The following MICAL2 variants were observed in gnomAD, a reference collection of about 807,000 sequenced individuals.
MICAL2 encodes the protein microtubule associated monooxygenase, calponin and LIM domain containing 2.
A neutral mutation model predicts 127.3 loss-of-function variants in MICAL2; 77 were observed. The observed-to-expected ratio is 0.60, with a 90% CI of 0.50 to 0.73. MICAL2 has a LOEUF of 0.73. Among genes scored for constraint, MICAL2 ranks in the 30% least tolerant of loss-of-function variants. The pLI, the probability that MICAL2 is intolerant of heterozygous loss-of-function variation, is 0.00. For missense variants in MICAL2, 1,351 were observed against 1,434.4 expected (o/e 0.94, Z 0.94); for synonymous variants, 570 against 551.1 (o/e 1.03, Z -0.48).
At chr11:12,182,347 C>T (rs1297624057) in intron 3 of MICAL2, among the ~76,000 whole-genome samples, 1 of 152,010 alleles carries the variant, frequency 6.6e-6, no homozygotes, top group Non-Finnish European at 1.5e-5. Flanking sequence ...GGGGGAGTTG[C>T]TGAAAAGAGC....
exon 32 of MICAL2, chr11:12,327,260 G>C: frequency 6.5e-7 from 1 of 1,550,112 alleles, no homozygotes; most frequent in East Asian, 2.4e-5. Flanking sequence ...GTTGCGAGGA[G>C]AAGCAGGTAC....
At chr11:12,185,224 G>A (rs1000260658) in intron 3 of MICAL2, among the ~76,000 whole-genome samples, 2 of 150,062 alleles carry the variant, frequency 1.3e-5, no homozygotes, top group African/African-American at 4.9e-5. Context: ...AGGATGGATG[G>A]TTGGATGGGT....
intron 14 of MICAL2, 45 bp from the exon 15 acceptor site, chr11:12,226,980 C>T (rs1470356478): frequency 1.6e-5 from 24 of 1,486,972 alleles, no homozygotes; most frequent in Non-Finnish European, 2.2e-5. Context: ...GCCATACTTC[C>T]CAGAGCCAGG....
chr11:12,293,705 G>C (rs1454455434), downstream of MICAL2: 1 of 1,614,090 alleles, frequency 6.2e-7, no homozygotes, highest in Admixed American at 1.7e-5. Context: ...AGAGTGGGCA[G>C]AGTACTGCCT....
intron 2 of MICAL2, among the ~76,000 whole-genome samples, chr11:12,148,126 A>G (rs1590072981): frequency 1.3e-5 from 2 of 152,184 alleles, no homozygotes; most frequent in South Asian, 4.1e-4. Context: ...CTGCATCCAC[A>G]TGTCTTGGCA....
intron 32 of MICAL2, among the ~76,000 whole-genome samples, chr11:12,347,615 A>G (rs147457127): frequency 6.6e-6 from 1 of 152,366 alleles, no homozygotes; most frequent in East Asian, 1.9e-4. Context: ...GAAAATATTT[A>G]GAGAAAAATT....
rs1287683097 is a variant in MICAL2 at position 12,181,564 on chromosome 11, CAA to C, written c.264+19146_264+19147del. On this transcript the variant is annotated intron_variant, in intron 3 of 27. Transcript: ENST00000683283. ...GCTTACTTTACAGTCTCTTCAATTA[CAA>C]TAATCTGTAAACTTGAACATGAAGT... Among the ~76,000 whole-genome samples the C allele has an allele frequency of 9.9e-5, 15 of 152,270 alleles. No homozygotes were observed. In the South Asian group the frequency reaches 2.9e-3, roughly 29 times the overall value.
chr11:12,265,654 G>C (rs1863598774), downstream of MICAL2, among the ~76,000 whole-genome samples: 1 of 152,198 alleles, frequency 6.6e-6, no homozygotes, highest in Admixed American at 6.5e-5. Context: ...ACCTCTCATA[G>C]TGTAGATGAT....
intron 32 of MICAL2, among the ~76,000 whole-genome samples, chr11:12,336,470 C>T (rs1056692576): frequency 6.6e-6 from 1 of 152,168 alleles, no homozygotes; most frequent in Admixed American, 6.5e-5. Context: ...ATTGCCCTGA[C>T]CAGAACTTCC....
chr11:12,187,853 G>T (rs910021916), intron 3 of MICAL2, among the ~76,000 whole-genome samples: 1 of 151,482 alleles, frequency 6.6e-6, no homozygotes, highest in Admixed American at 6.6e-5. Context: ...CTTCAGTCTC[G>T]TCTTTTGCCC....
chr11:12,176,835 T>C (rs948174076), intron 3 of MICAL2, among the ~76,000 whole-genome samples: 4 of 152,236 alleles, frequency 2.6e-5, no homozygotes, highest in Admixed American at 6.5e-5. Flanking sequence ...CTGAATAATA[T>C]TCCATTGTAT....
At chr11:12,250,129 C>G (rs1861346061) in intron 22 of MICAL2, 1 of 152,214 alleles carries the variant, frequency 6.6e-6, no homozygotes, top group Non-Finnish European at 1.5e-5. Context: ...TCTAGATTGG[C>G]TCTGGGGAGA....
intron 26 of MICAL2, chr11:12,260,458 A>G (rs1862955232): frequency 1.7e-6 from 2 of 1,149,252 alleles, no homozygotes; most frequent in Non-Finnish European, 2.1e-6. Context: ...CAGAGAAAGC[A>G]TTTTTTTCTA....
At chr11:12,127,903 A>T (rs1851078523) in intron 1 of MICAL2, among the ~76,000 whole-genome samples, 1 of 152,216 alleles carries the variant, frequency 6.6e-6, no homozygotes, top group Non-Finnish European at 1.5e-5. Flanking sequence ...CCACATCTGT[A>T]AATGGAGATA....
At chr11:12,218,188 G>A (rs570584470) in intron 8 of MICAL2, among the ~76,000 whole-genome samples, 1 of 152,324 alleles carries the variant, frequency 6.6e-6, no homozygotes, top group East Asian at 1.9e-4. Context: ...TCTTCAAGCA[G>A]CCGTGCCTCT....
chr11:12,303,301 C>A (rs1477718559), intron 29 of MICAL2, among the ~76,000 whole-genome samples: 1 of 152,178 alleles, frequency 6.6e-6, no homozygotes, highest in Admixed American at 6.5e-5. Context: ...TGTAGATGTT[C>A]TCGCTTACCT....
At chr11:12,118,550 C>T (rs907574880) in intron 1 of MICAL2, among the ~76,000 whole-genome samples, 1 of 152,228 alleles carries the variant, frequency 6.6e-6, no homozygotes, top group Admixed American at 6.5e-5. Flanking sequence ...TCCCCTTCCA[C>T]TCTACTTTGC....
intron 33 of MICAL2, chr11:12,354,697 TGCTGTA>T (rs1312735833): frequency 7.8e-6 from 8 of 1,031,740 alleles, no homozygotes; most frequent in African/African-American, 1.6e-5. Context: ...GAAAAAAGAA[TGCTGTA>T]GCTACTCTCA....
chr11:12,329,752 C>CT (rs1166069936), intron 32 of MICAL2, among the ~76,000 whole-genome samples: 1 of 151,288 alleles, frequency 6.6e-6, no homozygotes, highest in Non-Finnish European at 1.5e-5. Context: ...ACTAAGTATC[C>CT]ACACACATCT....
Sources: allele counts gnomAD v4.1 joint callset (sites outside exome capture counted in the v4.1 genomes callset), GRCh38; gene constraint gnomAD v4.1.1; transcripts MANE v1.5; gene names NCBI Gene and HGNC (gene_info 2026-07-23, HGNC 2026-07-21).